Variants in SDHAF2 observed in about 807,000 individuals in gnomAD.
SDHAF2 encodes the protein succinate dehydrogenase complex assembly factor 2.
In SDHAF2, 21 loss-of-function variants were observed where a neutral mutation model predicts 18.5. That is an observed-to-expected ratio of 1.13 (90% CI 0.80 to 1.63). The LOEUF is 1.63. Among genes scored for constraint, SDHAF2 ranks in the 40% most tolerant of loss-of-function variants. The probability of loss-of-function intolerance (pLI) is 0.00; values close to 1 mark genes in which losing one functional copy is unlikely to be tolerated. For missense variants in SDHAF2, 195 were observed against 200.3 expected (o/e 0.97, Z 0.16); for synonymous variants, 84 against 70.7 (o/e 1.19, Z -0.94).
At chr11:61,439,037 A>G (rs1342738462) in intron 3 of SDHAF2, among the ~76,000 whole-genome samples, 1 of 151,868 alleles carries the variant, frequency 6.6e-6, no homozygotes, top group East Asian at 1.9e-4. Flanking sequence ...GAGTGAGACT[A>G]TGTCTCAAAA....
chr11:61,440,021 G>A (rs945236689), intron 3 of SDHAF2, among the ~76,000 whole-genome samples: 18 of 152,276 alleles, frequency 1.2e-4, no homozygotes, highest in Admixed American at 1.1e-3. Flanking sequence ...ATAGGGCCAG[G>A]TGTGGTAGCT....
At chr11:61,438,180 G>A (rs1303424169) in intron 3 of SDHAF2, 67 bp downstream of exon 3, 1 of 1,187,228 alleles carries the variant, frequency 8.4e-7, no homozygotes, top group African/African-American at 1.6e-5. Flanking sequence ...GTCTAGAATT[G>A]TATCCTAGAT....
chr11:61,445,680 TCTG>T lies in SDHAF2; in HGVS notation c.371-257_371-255del, dbSNP rs566595116. On this transcript the variant is annotated intron_variant, in intron 3 of 3. Transcript: ENST00000301761. The stretch of plus-strand genomic sequence containing the variant: ...ATGGTCTCTGTTGCAAGTACCCAAT[TCTG>T]CTGTCATAACACAAAAGGAGCATGG... Among the ~76,000 whole-genome samples the T allele has an allele frequency of 1.6e-3, 239 of 152,296 alleles. 1 individual carries two copies. The highest frequency in any genetic ancestry group is 3.0e-3 in the Non-Finnish European group (203 of 68,026).
In SDHAF2 at chr11:61,434,591, C is replaced by CTTTTTTTTTTTTTTTT. The variant is rs549764688; in HGVS notation, c.37-3030_37-3015dup. The CTTTTTTTTTTTTTTTT allele has an allele frequency of 1.6e-3, 185 of 118,916 alleles. 12 individuals are homozygous for CTTTTTTTTTTTTTTTT. The highest frequency in any genetic ancestry group is 6.4e-3 in the African/African-American group (171 of 26,524). The allele number at this position is 118,916 out of a possible 1,614,324, so 7.4% of individuals were successfully genotyped here. ...AGGCTTTCTTCACTCCTTCTCATTC[C>CTTTTTTTTTTTTTTTT]TTTTTTTTTTTTTTTTTTTAGAAAA... On this transcript the variant is annotated intron_variant, in intron 1 of 3. Transcript: ENST00000301761.
chr11:61,445,897 G>T (rs749154186), intron 3 of SDHAF2, 44 bp from the exon 4 acceptor site: 3 of 1,612,596 alleles, frequency 1.9e-6, no homozygotes, highest in South Asian at 2.2e-5. Context: ...CCTGAGCATT[G>T]ACTGACTATG....
intron 3 of SDHAF2, among the ~76,000 whole-genome samples, chr11:61,443,314 T>C (rs932870267): frequency 6.6e-6 from 1 of 152,220 alleles, no homozygotes; most frequent in Non-Finnish European, 1.5e-5. Context: ...TTTTGTCTGC[T>C]TTTTCCACTG....
At chr11:61,439,207 A>G (rs1201251131) in intron 3 of SDHAF2, among the ~76,000 whole-genome samples, 1 of 152,090 alleles carries the variant, frequency 6.6e-6, no homozygotes, top group Non-Finnish European at 1.5e-5. Context: ...AGGAAGGCAC[A>G]CTCCAGAGCT....
At chr11:61,434,591 CTTTTTT>C (rs549764688) in intron 1 of SDHAF2, 2 of 119,000 alleles carry the variant, frequency 1.7e-5, no homozygotes, top group African/African-American at 3.8e-5. Context: ...CTTCTCATTC[CTTTTTT>C]TTTTTTTTTT....
chr11:61,437,864 T>C lies in SDHAF2; in HGVS notation c.260+16T>C, dbSNP rs935462449. The C allele has an allele frequency of 1.9e-6, 3 of 1,607,156 alleles. No homozygotes were observed. Among genetic ancestry groups the C allele is most frequent in the African/African-American group, 2.7e-5 (2 of 74,648 alleles). On this transcript the variant is annotated intron_variant, in intron 2 of 3. Transcript: ENST00000301761. The stretch of plus-strand genomic sequence containing the variant: ...TTCTTCTTAGGTATGGGACTAGGAG[T>C]CTTTTTTTTTAAATCGGGCAGCTTC...
At chr11:61,433,524 TC>T (rs1450060100) in intron 1 of SDHAF2, 1 of 152,244 alleles carries the variant, frequency 6.6e-6, no homozygotes, top group Non-Finnish European at 1.5e-5. Flanking sequence ...AGGATAGTCC[TC>T]CCCATCCGCA....
At chr11:61,443,275 T>C (rs921505220) in intron 3 of SDHAF2, among the ~76,000 whole-genome samples, 1 of 152,248 alleles carries the variant, frequency 6.6e-6, no homozygotes, top group Non-Finnish European at 1.5e-5. Flanking sequence ...AGTTTCCAAC[T>C]CTGCTAGAAT....
Position 61,446,048 on chromosome 11 carries a change from T to C in SDHAF2, c.478T>C (p.Tyr160His), listed in dbSNP as rs2134902155. The C allele has an allele frequency of 6.2e-7, 1 of 1,614,172 alleles. No individual in the cohort carries two copies. The highest frequency in any genetic ancestry group is 8.5e-7 in the Non-Finnish European group (1 of 1,180,030). Residue 160 changes from tyrosine (Y) to histidine (H), a missense_variant, in exon 4 of 4, where the codon TAC (tyrosine) becomes CAC (histidine). By Grantham distance (83) the Tyr-to-His change is moderately conservative. Transcript: ENST00000301761. ...GAGACTGCGTGCCCCAGATCTTGAG[T>C]ACCTCTTTGAAAAGCCACGTTGAGC... ...EQRLRAPDLE[Y>H]LFEKPR
chr11:61,446,724 A>G lies in SDHAF2; in HGVS notation c.*653A>G, dbSNP rs886048423. On this transcript the variant is annotated 3_prime_UTR_variant, in exon 4 of 4. Coordinates refer to ENST00000301761, the MANE Select transcript of SDHAF2 (RefSeq NM_017841.4). ...AAAGAGAATTATTAAAGCATACTGA[A>G]AAAAGGAAATTTACAATTTCCCAGC... The G allele has an allele frequency of 2.5e-6, 1 of 399,248 alleles. No homozygotes were observed. Among genetic ancestry groups the G allele is most frequent in the Non-Finnish European group, 4.4e-6 (1 of 226,534 alleles). 24.7% of individuals were successfully genotyped at this position (399,248 alleles called of 1,614,324 possible).
chr11:61,443,930 C>T (rs144898162), intron 3 of SDHAF2, among the ~76,000 whole-genome samples: 3,103 of 152,226 alleles, frequency 0.02, 104 homozygotes, highest in African/African-American at 0.069. Context: ...CCCGCCACCA[C>T]GCCCGGCTAA....
chr11:61,444,518 AG>A (rs1444132184), intron 3 of SDHAF2: 1 of 152,108 alleles, frequency 6.6e-6, no homozygotes, highest in Non-Finnish European at 1.5e-5. Flanking sequence ...GCGGATCACA[AG>A]GTCAGGAGAC....
chr11:61,432,835 C>G (rs1191536493), intron 1 of SDHAF2: 1 of 152,076 alleles, frequency 6.6e-6, no homozygotes, highest in Non-Finnish European at 1.5e-5. Flanking sequence ...CCATTGCATA[C>G]AAAAACTCTG....
In SDHAF2 at chr11:61,436,096, TG is replaced by T. The variant is rs1861989861; in HGVS notation, c.37-1526del. The T allele has an allele frequency of 1.3e-5, 2 of 153,396 alleles. 1 individual carries two copies. Among genetic ancestry groups the T allele is most frequent in the South Asian group, 4.1e-4 (2 of 4,862 alleles). The allele number at this position is 153,396 out of a possible 1,614,324, so 9.5% of individuals were successfully genotyped here. On this transcript the variant is annotated intron_variant, in intron 1 of 3. Coordinates refer to ENST00000301761, the MANE Select transcript of SDHAF2 (RefSeq NM_017841.4). ...GAGATCGCGCCATTGCACTCTAGCC[TG>T]GGCAACAAGAGCGAAACTCCGTCTC...
intron 1 of SDHAF2, chr11:61,430,954 A>G (rs996332860): frequency 6.6e-6 from 1 of 150,778 alleles, no homozygotes; most frequent in African/African-American, 2.4e-5. Flanking sequence ...CTTTTGTCGC[A>G]TCTCATAATT....
rs1234678497 is a variant in SDHAF2, at chr11:61,446,089, G to A, written c.*18G>A. On this transcript the variant is annotated 3_prime_UTR_variant, in exon 4 of 4. Transcript: ENST00000301761. The stretch of plus-strand genomic sequence containing the variant: ...CACGTTGAGCTGTGCTCCACGGCCT[G>A]GCATGGGGGTTCAGTCTGTGGATGG... 1 of 1,614,090 alleles carries A rather than the reference G, an allele frequency of 6.2e-7. No individual in the cohort carries two copies. Among genetic ancestry groups the A allele is most frequent in the Admixed American group, 1.7e-5 (1 of 60,026 alleles).
Sources: allele counts gnomAD v4.1 joint callset (sites outside exome capture counted in the v4.1 genomes callset), GRCh38; gene constraint gnomAD v4.1.1; transcripts MANE v1.5; gene names NCBI Gene and HGNC (gene_info 2026-07-23, HGNC 2026-07-21).